Variants in IL1RL2 observed in about 807,000 individuals in gnomAD.
The protein encoded by IL1RL2 is interleukin-1 receptor-like 2.
Under a neutral mutation model 66.8 loss-of-function variants are expected in IL1RL2, and 68 were observed. The ratio of observed to expected loss-of-function variants is 1.02; its 90% CI spans 0.84 to 1.25. The LOEUF (loss-of-function observed/expected upper bound fraction) is 1.25, where lower values mean the gene tolerates loss of function less well. Among genes scored for constraint, IL1RL2 ranks in the 50% most tolerant of loss-of-function variants. The pLI, the probability that IL1RL2 is intolerant of heterozygous loss-of-function variation, is 0.00. For synonymous variants in IL1RL2, 305 were observed against 264.6 expected (o/e 1.15, Z -1.48); for missense variants, 729 against 709.3 (o/e 1.03, Z -0.32).
Position 102,192,053 on chromosome 2 carries a change from A to G in IL1RL2, c.422A>G (p.Asp141Gly), listed in dbSNP as rs1307821361. 1 of 1,613,040 alleles carries G rather than the reference A, an allele frequency of 6.2e-7. No homozygotes were observed. Among genetic ancestry groups the G allele is most frequent in the South Asian group, 1.1e-5 (1 of 90,834 alleles). Residue 141 changes from aspartate (D) to glycine (G), a missense_variant, in exon 4 of 12, where the codon GAT becomes GGT. Transcript: ENST00000264257. ...AAGCAAATATTACATCTTGGAAAAG[A>G]TGATAGTCTCACATGTCATCTGCAC... ...EYKQILHLGKDDSLTCHLHFP... is the reference protein window; with the variant it reads ...EYKQILHLGKGDSLTCHLHFP...
chr2:102,188,928 T>C, intron 2 of IL1RL2, 148 bp from the exon 3 acceptor site: 1 of 616,240 alleles, frequency 1.6e-6, no homozygotes, highest in Admixed American at 2.9e-5. Flanking sequence ...CAGCAGGCTA[T>C]TTTTAGGAAA....
intron 9 of IL1RL2, among the ~76,000 whole-genome samples, chr2:102,229,792 G>C (rs1438780247): frequency 6.6e-6 from 1 of 152,202 alleles, no homozygotes; most frequent in Non-Finnish European, 1.5e-5. Flanking sequence ...GGGCACATTT[G>C]TACATTTTGA....
Position 102,228,591 on chromosome 2 carries a change from TGCCTC to T in IL1RL2, c.1135+2555_1135+2559del, listed in dbSNP as rs542984705. ...CGGATCTCCTAGAGAGATTTGAAAA[TGCCTC>T]GCCTTACTCCAGATAGGTCTTTGGA... On this transcript the variant is annotated intron_variant, in intron 9 of 11. Transcript: ENST00000264257. Among the ~76,000 whole-genome samples, 5 of 152,248 alleles carry T rather than the reference TGCCTC, an allele frequency of 3.3e-5. No homozygotes were observed. In the South Asian group the frequency reaches 1.0e-3, roughly 32 times the overall value.
intron 5 of IL1RL2, among the ~76,000 whole-genome samples, chr2:102,210,811 A>C (rs1689106434): frequency 6.6e-6 from 1 of 152,198 alleles, no homozygotes. Context: ...GGTCCAGAGT[A>C]GGTCATGGCC....
chr2:102,211,325 T>C (rs563568612), intron 5 of IL1RL2, among the ~76,000 whole-genome samples: 6 of 152,256 alleles, frequency 3.9e-5, no homozygotes, highest in Non-Finnish European at 5.9e-5. Flanking sequence ...AGAGAAAGAC[T>C]GAGGGGCAGG....
At chr2:102,218,885 C>T in intron 6 of IL1RL2, 68 bp from the exon 7 acceptor site, 1 of 1,395,446 alleles carries the variant, frequency 7.2e-7, no homozygotes, top group Admixed American at 1.8e-5. Flanking sequence ...CACTTGTAAT[C>T]CAGATGTTAA....
At chr2:102,210,933 G>A (rs1478252352) in intron 5 of IL1RL2, among the ~76,000 whole-genome samples, 8 of 152,098 alleles carry the variant, frequency 5.3e-5, no homozygotes, top group African/African-American at 1.7e-4. Flanking sequence ...GGAAAATAAT[G>A]GAAAATAGAA....
downstream of IL1RL2, among the ~76,000 whole-genome samples, chr2:102,240,229 CT>C (rs1406831403): frequency 1.3e-5 from 2 of 152,020 alleles, no homozygotes; most frequent in Admixed American, 1.3e-4. Context: ...TGCACAATAG[CT>C]TTTTTTCCCC....
At chr2:102,240,241 A>G (rs765835352), downstream of IL1RL2, among the ~76,000 whole-genome samples, 4 of 151,692 alleles carry the variant, frequency 2.6e-5, no homozygotes, top group Non-Finnish European at 4.4e-5. Flanking sequence ...TTTTTTCCCC[A>G]CACTTAGTAG....
chr2:102,189,380 C>A (rs1288866686), intron 3 of IL1RL2, 70 bp downstream of exon 3: 3 of 933,544 alleles, frequency 3.2e-6, no homozygotes, highest in African/African-American at 1.7e-5. Flanking sequence ...AAATTCTTAA[C>A]GAACATAGAA....
At chr2:102,232,205 A>G (rs567792418) in intron 9 of IL1RL2, among the ~76,000 whole-genome samples, 42 of 151,224 alleles carry the variant, frequency 2.8e-4, no homozygotes, top group African/African-American at 9.5e-4. Flanking sequence ...TTCGCCTCCC[A>G]GGTTCAAGCG....
intron 11 of IL1RL2, among the ~76,000 whole-genome samples, chr2:102,237,158 G>A (rs1578210675): frequency 6.6e-6 from 1 of 152,172 alleles, no homozygotes; most frequent in Non-Finnish European, 1.5e-5. Flanking sequence ...CCACACTGTG[G>A]CTGCCTCTGG....
Position 102,239,257 on chromosome 2 carries a change from C to T in IL1RL2, c.*16C>T. ...GACTGGCTAAGACTTGCTGGACTGA[C>T]ACCTATGGCTGGAAGATGACTTGTT... is the stretch of plus-strand genomic sequence containing the variant. On this transcript the variant is annotated 3_prime_UTR_variant, in exon 12 of 12. Coordinates refer to ENST00000264257, the MANE Select transcript of IL1RL2 (RefSeq NM_003854.4). 6.2e-7 allele frequency: 1 copy of T among 1,612,358 alleles called. No individual in the cohort carries two copies. The highest frequency in any genetic ancestry group is 8.5e-7 in the Non-Finnish European group (1 of 1,178,372).
intron 4 of IL1RL2, among the ~76,000 whole-genome samples, chr2:102,197,874 C>T (rs1252127889): frequency 6.6e-6 from 1 of 152,186 alleles, no homozygotes. Context: ...TGGTGTATTT[C>T]AGAGTTGATT....
intron 5 of IL1RL2, among the ~76,000 whole-genome samples, chr2:102,203,968 A>T (rs1688487174): frequency 6.6e-6 from 1 of 151,914 alleles, no homozygotes; most frequent in South Asian, 2.1e-4. Context: ...TTTAAGATAC[A>T]TCATTAGATT....
intron 11 of IL1RL2, among the ~76,000 whole-genome samples, chr2:102,237,504 C>A (rs1391462614): frequency 6.6e-6 from 1 of 152,126 alleles, no homozygotes; most frequent in Non-Finnish European, 1.5e-5. Context: ...AGAACGGCAG[C>A]GAGTGAGGGG....
chr2:102,221,782 G>A (rs1690155438), intron 8 of IL1RL2, among the ~76,000 whole-genome samples: 1 of 152,192 alleles, frequency 6.6e-6, no homozygotes, highest in Admixed American at 6.5e-5. Flanking sequence ...GGGAAATGAG[G>A]AGGATAGCGA....
intron 5 of IL1RL2, among the ~76,000 whole-genome samples, chr2:102,208,914 C>T (rs1170967437): frequency 2.0e-5 from 3 of 152,184 alleles, no homozygotes; most frequent in Non-Finnish European, 4.4e-5. Flanking sequence ...TTCTGCTGAC[C>T]ATTATCTCTC....
intron 5 of IL1RL2, among the ~76,000 whole-genome samples, chr2:102,210,849 A>T (rs1261517565): frequency 6.6e-6 from 1 of 152,176 alleles, no homozygotes; most frequent in African/African-American, 2.4e-5. Context: ...TAGAGGAAGG[A>T]CTGGAGACAT....
Sources: gnomAD v4.1 joint callset for allele counts (sites outside exome capture counted in the v4.1 genomes callset) on GRCh38, gnomAD v4.1.1 for gene constraint, MANE v1.5 for transcripts, NCBI Gene and HGNC (gene_info 2026-07-23, HGNC 2026-07-21) for gene names.